Variants in TEKT3 observed in about 807,000 individuals in gnomAD.
TEKT3 encodes the protein tektin 3.
Under a neutral mutation model 49.8 loss-of-function variants are expected in TEKT3, and 49 were observed. The observed-to-expected ratio is 0.98, with a 90% confidence interval of 0.78 to 1.25. The LOEUF (loss-of-function observed/expected upper bound fraction) is 1.25, where lower values mean the gene tolerates loss of function less well. Among genes scored for constraint, TEKT3 ranks in the 50% most tolerant of loss-of-function variants. TEKT3 has a pLI of 0.00. For synonymous variants in TEKT3, 225 were observed against 237.2 expected, an observed-to-expected ratio of 0.95 and a Z score of 0.47; for missense variants, 595 against 629.5, an observed-to-expected ratio of 0.95 and a Z score of 0.59.
At chr17:15,343,616 A>G (rs569236833), upstream of TEKT3, among the ~76,000 whole-genome samples, 52 of 152,368 alleles carry the variant, frequency 3.4e-4, 2 homozygotes, top group South Asian at 0.011. Context: ...GACTCAGTCA[A>G]TGTTTGTTAA....
At chr17:15,333,187 A>C (rs1911842331) in intron 2 of TEKT3, among the ~76,000 whole-genome samples, 1 of 152,154 alleles carries the variant, frequency 6.6e-6, no homozygotes, top group Non-Finnish European at 1.5e-5. Flanking sequence ...TAGCATTTAA[A>C]TGTCATTCTG....
At chr17:15,309,219 T>G (rs529573957) in intron 7 of TEKT3, among the ~76,000 whole-genome samples, 1 of 152,322 alleles carries the variant, frequency 6.6e-6, no homozygotes, top group Admixed American at 6.5e-5. Context: ...AGTGAGGCTT[T>G]GAGTGGCCCT....
chr17:15,313,142 C>T (rs1342774298), intron 6 of TEKT3, among the ~76,000 whole-genome samples: 3 of 152,082 alleles, frequency 2.0e-5, no homozygotes, highest in African/African-American at 7.2e-5. Context: ...TACCTAAATG[C>T]TCAAAAGTTT....
At chr17:15,311,335 A>G (rs1023505930) in intron 7 of TEKT3, 1 of 152,244 alleles carries the variant, frequency 6.6e-6, no homozygotes, top group Non-Finnish European at 1.5e-5. Context: ...CTTAAAAAGA[A>G]GAAACAACAT....
At chr17:15,330,923 TAA>T (rs1433188973) in intron 3 of TEKT3, 82 bp downstream of exon 3, 1 of 1,344,090 alleles carries the variant, frequency 7.4e-7, no homozygotes, top group Non-Finnish European at 1.0e-6. Flanking sequence ...AAGTAAAACA[TAA>T]GTCAATAAAT....
In TEKT3 at chr17:15,314,234, C is replaced by A. The variant is rs771373073; in HGVS notation, c.735-4G>T. The A allele has an allele frequency of 1.9e-6, 3 of 1,614,034 alleles. No individual in the cohort carries two copies. The Admixed American group carries it at 5.0e-5, about 27-fold the overall frequency. On this transcript the variant is annotated splice_polypyrimidine_tract_variant and splice_region_variant and intron_variant, in intron 5 of 8. Coordinates refer to ENST00000395930, the MANE Select transcript of TEKT3 (RefSeq NM_031898.3). Reference sequence around the variant, plus strand: ...ATGCTGGGACGCTCTGTTGGCTCTGCAATACAGAGTCGGGAAGTGGAGCTT... The same window carrying A: ...ATGCTGGGACGCTCTGTTGGCTCTGAAATACAGAGTCGGGAAGTGGAGCTT...
At chr17:15,314,404 C>T in intron 5 of TEKT3, 174 bp from the exon 6 acceptor site, 1 of 821,436 alleles carries the variant, frequency 1.2e-6, no homozygotes, top group Non-Finnish European at 2.0e-6. Flanking sequence ...TATGCCCATA[C>T]CTCTACGTCA....
At chr17:15,312,560 G>A in intron 6 of TEKT3, 79 bp from the exon 7 acceptor site, 2 of 1,303,158 alleles carry the variant, frequency 1.5e-6, no homozygotes, top group Non-Finnish European at 2.2e-6. Flanking sequence ...CATTTATCCT[G>A]AGAGAGAGAA....
At position 15,331,362 on chromosome 17, in the gene TEKT3, A is replaced by G; in HGVS notation, c.224T>C (p.Val75Ala). 6 of 1,614,086 alleles carry G rather than the reference A, an allele frequency of 3.7e-6. No individual in the cohort carries two copies. Among genetic ancestry groups the G allele is most frequent in the Non-Finnish European group, 5.1e-6 (6 of 1,180,036 alleles). Residue 75 changes from valine (V) to alanine (A), a missense_variant, in exon 3 of 9, where the codon GTG (valine) becomes GCG (alanine). Val to Ala is a moderately conservative substitution (Grantham distance 64, BLOSUM62 0). Coordinates refer to ENST00000395930, the MANE Select transcript of TEKT3 (RefSeq NM_031898.3). ...AAAGGGAAGCATGGTATTCTCGGACACCCTCTGTGATCTGGTGCAGTACGG... is the reference window on the plus strand; with the variant it reads ...AAAGGGAAGCATGGTATTCTCGGACGCCCTCTGTGATCTGGTGCAGTACGG... ...VAPYCTRSQR[V>A]SENTMLPFVS...
At chr17:15,311,593 G>A (rs1910773290) in intron 7 of TEKT3, 1 of 152,138 alleles carries the variant, frequency 6.6e-6, no homozygotes, top group South Asian at 2.1e-4. Context: ...TACATTAAAT[G>A]TATCAAAACA....
At chr17:15,317,753 A>C (rs983598598) in intron 5 of TEKT3, among the ~76,000 whole-genome samples, 10 of 152,134 alleles carry the variant, frequency 6.6e-5, no homozygotes, top group Admixed American at 2.6e-4. Flanking sequence ...CTATGCTGAC[A>C]GCTGTGATCA....
At chr17:15,307,346 CAA>C (rs1401087788) in intron 8 of TEKT3, among the ~76,000 whole-genome samples, 2 of 152,180 alleles carry the variant, frequency 1.3e-5, no homozygotes, top group Non-Finnish European at 2.9e-5. Flanking sequence ...GTGAGACAGG[CAA>C]AGACTCAAAC....
In TEKT3 at chr17:15,309,948, T is replaced by C. The variant is rs371018258; in HGVS notation, c.1102-1130A>G. On this transcript the variant is annotated intron_variant, in intron 7 of 8. Transcript: ENST00000395930. The stretch of plus-strand genomic sequence containing the variant: ...AGTGCAAGGCTTTGTCCTTGGGTGA[T>C]GTCTCTGCAATATCCTTTCTACACT... Among the ~76,000 whole-genome samples the C allele has an allele frequency of 5.3e-5, 8 of 152,336 alleles. No homozygotes were observed. In the East Asian group the frequency reaches 1.5e-3, roughly 29 times the overall value.
chr17:15,312,540 G>A (rs989312251), intron 6 of TEKT3, 59 bp from the exon 7 acceptor site: 55 of 1,478,936 alleles, frequency 3.7e-5, no homozygotes, highest in South Asian at 2.8e-4. Flanking sequence ...CTACAGGATC[G>A]CTAGGCAATC....
intron 4 of TEKT3, among the ~76,000 whole-genome samples, chr17:15,321,199 T>C (rs547491383): frequency 9.2e-5 from 14 of 151,972 alleles, no homozygotes; most frequent in Non-Finnish European, 1.9e-4. Context: ...TTAGTAGAGA[T>C]GGGGTTTCAC....
Position 15,303,973 on chromosome 17 carries a change from C to T in TEKT3, c.1436G>A (p.Ser479Asn), listed in dbSNP as rs1910424998. The T allele has an allele frequency of 1.2e-6, 2 of 1,613,996 alleles. No individual in the cohort carries two copies. Residue 479 changes from serine to asparagine, a missense_variant, in exon 9 of 9, where the codon AGC becomes AAC. Physicochemically the swap from Ser to Asn is conservative, Grantham distance 46 (BLOSUM62 1). Transcript: ENST00000395930. ...DQEKCMSMRK[S>N]YPNTLRLVGF... ...GACCAGCCGGAGGGTGTTGGGGTAG[C>T]TCTTGCGCATGCTCATGCATTTTTC...
At chr17:15,339,338 T>C (rs1212856640) in intron 2 of TEKT3, among the ~76,000 whole-genome samples, 1 of 152,152 alleles carries the variant, frequency 6.6e-6, no homozygotes, top group African/African-American at 2.4e-5. Flanking sequence ...TGGTATTCTG[T>C]TATAGCAGCA....
At position 15,328,218 on chromosome 17, in the gene TEKT3, C is replaced by T. The variant is rs531262530; in HGVS notation, c.580-143G>A. On this transcript the variant is annotated intron_variant, in intron 3 of 8. Transcript: ENST00000395930. ...CCTTTTGTGAAAATCTAGCCTGAAA[C>T]AGACTGTAACAACTAAATGAATCTC... 3 of 646,004 alleles carry T rather than the reference C, an allele frequency of 4.6e-6. No individual in the cohort carries two copies. In the South Asian group the frequency reaches 5.8e-5, roughly 12 times the overall value. 40.0% of individuals were successfully genotyped at this position (646,004 alleles called of 1,614,324 possible).
At chr17:15,322,347 C>T (rs1007704048) in intron 4 of TEKT3, among the ~76,000 whole-genome samples, 4 of 152,174 alleles carry the variant, frequency 2.6e-5, no homozygotes, top group Non-Finnish European at 4.4e-5. Context: ...GGTAATAATA[C>T]CCATCTTTCC....
Sources: allele counts gnomAD v4.1 joint callset (sites outside exome capture counted in the v4.1 genomes callset), GRCh38; gene constraint gnomAD v4.1.1; transcripts MANE v1.5; gene names NCBI Gene and HGNC (gene_info 2026-07-23, HGNC 2026-07-21).